Variants in BRINP3 observed in about 807,000 individuals in gnomAD.
The protein encoded by BRINP3 is BMP/retinoic acid inducible neural specific 3, also known as BMP/retinoic acid-inducible neural-specific protein 3.
Under a neutral mutation model 71.0 loss-of-function variants are expected in BRINP3, and 19 were observed. The ratio of observed to expected loss-of-function variants is 0.27; its 90% CI spans 0.19 to 0.39. The LOEUF (loss-of-function observed/expected upper bound fraction) is 0.39, where lower values mean the gene tolerates loss of function less well. Among genes scored for constraint, BRINP3 ranks in the 10% least tolerant of loss-of-function variants. The pLI, the probability that BRINP3 is intolerant of heterozygous loss-of-function variation, is 1.00. For missense variants in BRINP3, 959 were observed against 940.8 expected (o/e 1.02, Z -0.25); for synonymous variants, 380 against 337.7 (o/e 1.13, Z -1.37).
At chr1:190,448,091 A>G (rs531279963) in intron 2 of BRINP3, among the ~76,000 whole-genome samples, 3 of 151,850 alleles carry the variant, frequency 2.0e-5, no homozygotes, top group African/African-American at 4.8e-5. Context: ...TTAAATTTGA[A>G]GGAATATGAA....
rs182607408 is a variant in BRINP3 at position 190,186,896 on chromosome 1, T to A, written c.962-26006A>T. Among the ~76,000 whole-genome samples, 453 of 152,292 alleles carry A rather than the reference T, an allele frequency of 3.0e-3. 3 individuals carry two copies. Among genetic ancestry groups the A allele is most frequent in the African/African-American group, 0.01 (428 of 41,572 alleles). On this transcript the variant is annotated intron_variant, in intron 6 of 7. Transcript: ENST00000367462. ...GCCTAGGGAACCAGGATTCTATATTTTTAAAGGACTTCCTAGATGAGTCTG... is the reference window on the plus strand; with the variant it reads ...GCCTAGGGAACCAGGATTCTATATTATTAAAGGACTTCCTAGATGAGTCTG...
intron 2 of BRINP3, among the ~76,000 whole-genome samples, chr1:190,389,360 T>C (rs1671105978): frequency 6.6e-6 from 1 of 151,644 alleles, no homozygotes; most frequent in African/African-American, 2.4e-5. Flanking sequence ...ATGTGGCATG[T>C]GAATCTCAAG....
intron 5 of BRINP3, among the ~76,000 whole-genome samples, chr1:190,231,449 G>A (rs1657979882): frequency 6.6e-6 from 1 of 151,770 alleles, no homozygotes; most frequent in African/African-American, 2.4e-5. Flanking sequence ...ATGGAAAAGT[G>A]CTTGTAATTC....
At chr1:190,106,370 T>C (rs1225584509) in intron 7 of BRINP3, among the ~76,000 whole-genome samples, 3 of 151,788 alleles carry the variant, frequency 2.0e-5, no homozygotes, top group Non-Finnish European at 4.4e-5. Flanking sequence ...TTTAAATCTT[T>C]GCATTGCAAC....
At chr1:190,169,639 G>A (rs964935759) in intron 6 of BRINP3, among the ~76,000 whole-genome samples, 3 of 152,090 alleles carry the variant, frequency 2.0e-5, no homozygotes, top group African/African-American at 7.2e-5. Context: ...TTTGTTGAAT[G>A]TCTACTGTGT....
intron 2 of BRINP3, among the ~76,000 whole-genome samples, chr1:190,290,814 A>C (rs184299210): frequency 2.2e-4 from 33 of 152,108 alleles, no homozygotes; most frequent in Middle Eastern, 3.4e-3. Context: ...CTCAAACTTA[A>C]TGACATTAAC....
chr1:190,160,837 A>T lies in BRINP3; in HGVS notation c.1015T>A (p.Ser339Thr), dbSNP rs746379368. The part of the protein sequence containing the change: ...RLPMNYFLNT[S>T]TIMHLWTMDS... ...ATTGTCCACAAATGCATTATAGTAG[A>T]TGTGTTGAGGAAATAATTCATAGGT... The change falls in exon 7 of 8, where the codon TCT becomes ACT. Residue 339 changes from serine (S) to threonine (T), a missense_variant. Coordinates refer to ENST00000367462, the MANE Select transcript of BRINP3 (RefSeq NM_199051.3). 5.6e-6 allele frequency: 9 copies of T among 1,613,432 alleles called. No homozygotes were observed. The highest frequency in any genetic ancestry group is 7.6e-6 in the Non-Finnish European group (9 of 1,179,604).
intron 2 of BRINP3, among the ~76,000 whole-genome samples, chr1:190,453,201 G>GTAT (rs1675740744): frequency 2.6e-5 from 1 of 37,856 alleles, no homozygotes; most frequent in African/African-American, 7.8e-5. Flanking sequence ...AAAAACTTTA[G>GTAT]TATTTTTTTT....
chr1:190,433,696 C>G (rs185955852), intron 2 of BRINP3, among the ~76,000 whole-genome samples: 9 of 152,234 alleles, frequency 5.9e-5, no homozygotes, highest in Admixed American at 5.9e-4. Context: ...ACCTATCTAC[C>G]TCGTTCCATT....
chr1:190,233,118 AT>A (rs893320737), intron 5 of BRINP3, among the ~76,000 whole-genome samples: 7 of 151,664 alleles, frequency 4.6e-5, no homozygotes, highest in South Asian at 2.1e-4. Context: ...TAATTAATTA[AT>A]TTTTTTTTAA....
At chr1:190,254,895 T>A in intron 4 of BRINP3, among the ~76,000 whole-genome samples, 1 of 152,204 alleles carries the variant, frequency 6.6e-6, no homozygotes, top group South Asian at 2.1e-4. Flanking sequence ...TTCAGTATGA[T>A]ATTGTCTGAG....
intron 5 of BRINP3, among the ~76,000 whole-genome samples, chr1:190,230,619 T>G (rs1037345426): frequency 5.9e-5 from 9 of 151,790 alleles, no homozygotes; most frequent in African/African-American, 2.2e-4. Flanking sequence ...AAAATAAAAT[T>G]TGAACAAGAT....
chr1:190,370,255 GA>G lies in BRINP3; in HGVS notation c.236+84399del, dbSNP rs1669774162. On this transcript the variant is annotated intron_variant, in intron 2 of 7. Transcript: ENST00000367462. ...GATAAAACATTGTTAACCTAATCAA[GA>G]AAAATAGAGAAAGTCTAAGAAGGAA... Among the ~76,000 whole-genome samples the G allele has an allele frequency of 2.6e-5, 4 of 151,976 alleles. No homozygotes were observed. In the South Asian group the frequency reaches 8.3e-4, roughly 32 times the overall value.
intron 2 of BRINP3, among the ~76,000 whole-genome samples, chr1:190,336,956 A>C (rs1191811704): frequency 6.6e-6 from 1 of 151,620 alleles, no homozygotes; most frequent in Non-Finnish European, 1.5e-5. Flanking sequence ...ATATTTGGTG[A>C]AATAACTAAA....
intron 2 of BRINP3, among the ~76,000 whole-genome samples, chr1:190,392,855 T>C (rs1362091608): frequency 1.3e-5 from 2 of 151,680 alleles, no homozygotes; most frequent in African/African-American, 2.4e-5. Context: ...CTTTTTTACA[T>C]AGTCTTTTAA....
Position 190,226,308 on chromosome 1 carries a change from T to C in BRINP3, c.735A>G (p.Val245=). ...GTTCCTGAAGATAGTCTGGGAGAAGTACTTGAAGCCCTTGAAGAACAAACA... is the reference window on the plus strand; with the variant it reads ...GTTCCTGAAGATAGTCTGGGAGAAGCACTTGAAGCCCTTGAAGAACAAACA... ...ENKIQLQGLQ[V]LLPDYLQERF... is the part of the protein sequence containing the mutation. Residue 245 remains valine (V), a synonymous_variant, in exon 6 of 8, where the codon GTA becomes GTG. Transcript: ENST00000367462. The C allele has an allele frequency of 1.3e-6, 2 of 1,584,456 alleles. No individual in the cohort carries two copies. Among genetic ancestry groups the C allele is most frequent in the Admixed American group, 3.6e-5 (2 of 56,098 alleles).
chr1:190,169,959 C>A (rs1651870735), intron 6 of BRINP3, among the ~76,000 whole-genome samples: 1 of 152,068 alleles, frequency 6.6e-6, no homozygotes, highest in South Asian at 2.1e-4. Context: ...TTTCCCTAAG[C>A]AAGTTTCAGC....
intron 2 of BRINP3, among the ~76,000 whole-genome samples, chr1:190,344,617 T>C (rs1282458070): frequency 6.6e-6 from 1 of 151,894 alleles, no homozygotes; most frequent in Admixed American, 6.6e-5. Context: ...TCTTCTTCCA[T>C]TCATCTTGAA....
At chr1:190,443,330 G>GCA (rs1674962857) in intron 2 of BRINP3, among the ~76,000 whole-genome samples, 1 of 151,108 alleles carries the variant, frequency 6.6e-6, no homozygotes, top group Non-Finnish European at 1.5e-5. Flanking sequence ...GCGTGAACCA[G>GCA]GGAGGCGGAG....
Sources: allele counts gnomAD v4.1 joint callset (sites outside exome capture counted in the v4.1 genomes callset), GRCh38; gene constraint gnomAD v4.1.1; transcripts MANE v1.5; gene names NCBI Gene and HGNC (gene_info 2026-07-23, HGNC 2026-07-21).